The following TTC5 variants were observed in gnomAD, a reference collection of about 807,000 sequenced individuals.
TTC5 encodes tetratricopeptide repeat domain 5.
TTC5 carries 46 observed loss-of-function variants against 57.4 expected under a neutral mutation model. The ratio of observed to expected loss-of-function variants is 0.80; its 90% CI spans 0.63 to 1.03. The LOEUF is 1.03. Ranked by LOEUF, TTC5 falls within the 50% of genes least tolerant of loss-of-function variation. The pLI is 0.00. For synonymous variants in TTC5, 190 were observed against 203.5 expected, an observed-to-expected ratio of 0.93 and a Z score of 0.57; for missense variants, 504 against 528.1, an observed-to-expected ratio of 0.95 and a Z score of 0.45.
At chr14:20,291,883 C>T in intron 9 of TTC5, 100 bp downstream of exon 9, 2 of 1,086,776 alleles carry the variant, frequency 1.8e-6, no homozygotes, top group Non-Finnish European at 2.4e-6. Context: ...AGCCTACACA[C>T]ATACTTACAT....
chr14:20,289,134 T>G lies in TTC5; in HGVS notation c.*493A>C, dbSNP rs1032541427. 4.6e-5 allele frequency: 7 copies of G among 150,972 alleles called. No homozygotes were observed. The highest frequency in any genetic ancestry group is 1.7e-4 in the African/African-American group (7 of 41,092). The allele number at this position is 150,972 out of a possible 1,614,324, so 9.4% of individuals were successfully genotyped here. A position where few individuals can be genotyped will look rare whatever the true frequency, so the allele number is the denominator to read the frequency against. On this transcript the variant is annotated 3_prime_UTR_variant, in exon 10 of 10. Coordinates refer to ENST00000258821, the MANE Select transcript of TTC5 (RefSeq NM_138376.3). ...AAGCAGGCCAAACTACGTGGTGTTT[T>G]TTTTTTTTTCCAAACAAATTTAATT... is the stretch of plus-strand genomic sequence containing the variant.
chr14:20,297,076 G>A (rs1375235941), intron 5 of TTC5, among the ~76,000 whole-genome samples: 2 of 152,150 alleles, frequency 1.3e-5, no homozygotes, highest in East Asian at 1.9e-4. Flanking sequence ...AAATAGTGAA[G>A]TGCTGGTAAT....
intron 8 of TTC5, chr14:20,292,937 G>C (rs968232621): frequency 6.6e-6 from 1 of 152,170 alleles, no homozygotes; most frequent in South Asian, 2.1e-4. Context: ...ATTTTGACTT[G>C]GAGGCAACAT....
Position 20,300,829 on chromosome 14 carries a change from G to GA in TTC5, c.185-12dup, listed in dbSNP as rs1882175225. 1.9e-6 allele frequency: 3 copies of GA among 1,567,470 alleles called. No individual in the cohort carries two copies. The highest frequency in any genetic ancestry group is 1.7e-6 in the Non-Finnish European group (2 of 1,160,780). The stretch of plus-strand genomic sequence containing the variant: ...TGCCCTGGACAGAACCTAAGAGGAA[G>GA]AAAAAAAGATAAAGTGGGAAAAAAA... On this transcript the variant is annotated splice_polypyrimidine_tract_variant and intron_variant, in intron 2 of 9. Transcript: ENST00000258821.
chr14:20,301,982 T>G lies in TTC5; in HGVS notation c.52-17A>C. On this transcript the variant is annotated splice_polypyrimidine_tract_variant and intron_variant, in intron 1 of 9. Transcript: ENST00000258821. ...CACGAGTTCCTAAAAAGTATGACAA[T>G]GGAACCATTAAGTGGAAAGATCACT... is the stretch of plus-strand genomic sequence containing the variant. 1 of 1,613,498 alleles carries G rather than the reference T, an allele frequency of 6.2e-7. No homozygotes were observed. The highest frequency in any genetic ancestry group is 8.5e-7 in the Non-Finnish European group (1 of 1,179,704).
At chr14:20,291,952 G>C (rs183091040) in intron 9 of TTC5, 31 bp downstream of exon 9, 2 of 1,513,290 alleles carry the variant, frequency 1.3e-6, no homozygotes, top group Non-Finnish European at 1.8e-6. Flanking sequence ...TAGAGCCTAC[G>C]AGTTGTAAGA....
chr14:20,292,344 A>G (rs939149569), intron 8 of TTC5: 1 of 285,696 alleles, frequency 3.5e-6, no homozygotes, highest in Non-Finnish European at 6.3e-6. Context: ...CAGAAAACCT[A>G]TGAGAGGTAC....
rs376765733 is a variant in TTC5 at position 20,302,883 on chromosome 14, CA to C, written c.52-919del. On this transcript the variant is annotated intron_variant, in intron 1 of 9. Coordinates refer to ENST00000258821, the MANE Select transcript of TTC5 (RefSeq NM_138376.3). The stretch of plus-strand genomic sequence containing the variant: ...CTATGTGTATAAAGTGTAAATGAAA[CA>C]ATTTTTTTTTTTTCTTTTTTAAAAG... Among the ~76,000 whole-genome samples the C allele has an allele frequency of 7.0e-3, 1,061 of 151,422 alleles. 4 individuals are homozygous for C. The highest frequency in any genetic ancestry group is 0.012 in the Non-Finnish European group (807 of 67,944).
intron 6 of TTC5, among the ~76,000 whole-genome samples, chr14:20,296,098 G>T (rs992847321): frequency 3.3e-5 from 5 of 152,156 alleles, no homozygotes; most frequent in African/African-American, 1.2e-4. Context: ...TAGTTAAGTT[G>T]TATATATTGG....
rs1292747915 is a variant in TTC5 at position 20,287,233 on chromosome 14, T to A, written c.*2394A>T. On this transcript the variant is annotated 3_prime_UTR_variant, in exon 10 of 10. Coordinates refer to ENST00000258821, the MANE Select transcript of TTC5 (RefSeq NM_138376.3). ...AGATTGCTGGGCTCCTCCCACATAG[T>A]TTTGAATTCAGTAAGTCTGGGTAGG... 6.6e-6 allele frequency: 1 copy of A among 152,188 alleles called. No homozygotes were observed. The highest frequency in any genetic ancestry group is 1.5e-5 in the Non-Finnish European group (1 of 68,048). 9.4% of individuals were successfully genotyped at this position (152,188 alleles called of 1,614,324 possible).
Position 20,301,865 on chromosome 14 carries a change from T to A in TTC5, c.152A>T (p.Glu51Val). The change falls in exon 2 of 10, where the codon GAG (glutamate) becomes GTG (valine). Residue 51 changes from glutamate (E) to valine (V), a missense_variant. By Grantham distance (121) the Glu-to-Val change is moderately radical. Transcript: ENST00000258821. ...TTCTTCCATCTGCTGTAGGGTTTTC[T>A]CCATCTCCTTCTGCACATCCTGTTG... ...RKQQDVQKEM[E>V]KTLQQMEEVV... The A allele has an allele frequency of 1.9e-6, 3 of 1,614,116 alleles. No individual in the cohort carries two copies. The highest frequency in any genetic ancestry group is 2.5e-6 in the Non-Finnish European group (3 of 1,179,998).
At position 20,286,652 on chromosome 14, in the gene TTC5, ACC is replaced by A. The variant is rs887077941; in HGVS notation, c.*2973_*2974del. 7.9e-5 allele frequency: 12 copies of A among 152,136 alleles called. No individual in the cohort carries two copies. The highest frequency in any genetic ancestry group is 2.7e-4 in the African/African-American group (11 of 41,444). 9.4% of individuals were successfully genotyped at this position (152,136 alleles called of 1,614,324 possible). ...CCTTATGACTTTAGGAGAGCTAAGA[ACC>A]TCTTAAAACACAAAAAGCATTATCA... On this transcript the variant is annotated 3_prime_UTR_variant, in exon 10 of 10. Transcript: ENST00000258821.
At chr14:20,305,344 G>C (rs1461491967) in intron 1 of TTC5, 1 of 152,250 alleles carries the variant, frequency 6.6e-6, no homozygotes, top group Non-Finnish European at 1.5e-5. Context: ...AAGTCCAAAA[G>C]ACTAGTCTTA....
chr14:20,303,061 G>A (rs11846515), intron 1 of TTC5, among the ~76,000 whole-genome samples: 2,275 of 151,856 alleles, frequency 0.015, 40 homozygotes, highest in African/African-American at 0.045. Flanking sequence ...GCATGGTGGC[G>A]CACACCTGTA....
chr14:20,295,492 A>C lies in TTC5; in HGVS notation c.878T>G (p.Leu293Arg). Residue 293 changes from leucine (L) to arginine (R), a missense_variant, in exon 8 of 10, where the codon CTG (leucine) becomes CGG (arginine). Physicochemically the swap from Leu to Arg is moderately radical, Grantham distance 102. Transcript: ENST00000258821. Reference sequence around the variant, plus strand: ...TAGATGGGCTGGGCGCAAGCTTCCCAGCATGCTCTGCAGCTTTTTGGTCTT... The same window carrying C: ...TAGATGGGCTGGGCGCAAGCTTCCCCGCATGCTCTGCAGCTTTTTGGTCTT... Reference protein sequence around the residue: ...KVKTKKLQSMLGSLRPAHLGP... With the variant: ...KVKTKKLQSMRGSLRPAHLGP... 6.2e-7 allele frequency: 1 copy of C among 1,613,436 alleles called. No individual in the cohort carries two copies. The highest frequency in any genetic ancestry group is 8.5e-7 in the Non-Finnish European group (1 of 1,179,502).
chr14:20,289,995 G>T (rs1050574122), intron 9 of TTC5, among the ~76,000 whole-genome samples: 1 of 152,154 alleles, frequency 6.6e-6, no homozygotes, highest in African/African-American at 2.4e-5. Flanking sequence ...ACAGCTCTTT[G>T]ATCCAAAAAA....
chr14:20,294,432 A>G (rs1052398746), intron 8 of TTC5: 1 of 152,236 alleles, frequency 6.6e-6, no homozygotes. Context: ...TCAACTCGTC[A>G]AATATACAAA....
rs1298333554 is a variant in TTC5, at chr14:20,287,191, G to C, written c.*2436C>G. The C allele has an allele frequency of 6.6e-6, 1 of 152,098 alleles. No individual in the cohort carries two copies. The highest frequency in any genetic ancestry group is 1.5e-5 in the Non-Finnish European group (1 of 68,048). 9.4% of individuals were successfully genotyped at this position (152,098 alleles called of 1,614,324 possible). On this transcript the variant is annotated 3_prime_UTR_variant, in exon 10 of 10. Coordinates refer to ENST00000258821, the MANE Select transcript of TTC5 (RefSeq NM_138376.3). ...TTTTACTGTGCATCAGAGTCACCTG[G>C]AGGGTTTGCGAAACACAGATTGCTG...
chr14:20,296,591 G>T (rs1300142836), intron 5 of TTC5, 145 bp from the exon 6 acceptor site: 2 of 679,646 alleles, frequency 2.9e-6, no homozygotes, highest in African/African-American at 3.6e-5. Flanking sequence ...AGCAGTTACC[G>T]TATAACAGTG....
Sources: gnomAD v4.1 joint callset for allele counts (sites outside exome capture counted in the v4.1 genomes callset) on GRCh38, gnomAD v4.1.1 for gene constraint, MANE v1.5 for transcripts, NCBI Gene and HGNC (gene_info 2026-07-23, HGNC 2026-07-21) for gene names.